Variants in PROM1 observed in about 807,000 individuals in gnomAD.
PROM1 encodes the protein prominin 1, also known as prominin-1.
In PROM1, 105 loss-of-function variants were observed where a neutral mutation model predicts 116.9. The observed-to-expected ratio is 0.90, with a 90% CI of 0.77 to 1.06. The LOEUF (loss-of-function observed/expected upper bound fraction) is 1.06, where lower values mean the gene tolerates loss of function less well. PROM1 is among the 50% of genes least tolerant of loss of function. The pLI is 0.00. For synonymous variants in PROM1, 393 were observed against 387.0 expected (o/e 1.02, Z -0.18); for missense variants, 1,122 against 1,045.2 (o/e 1.07, Z -1.01).
intron 14 of PROM1, among the ~76,000 whole-genome samples, chr4:15,999,764 A>ATCTTTCATAACAGATC (rs1267461470): frequency 6.6e-6 from 1 of 152,082 alleles, no homozygotes; most frequent in African/African-American, 2.4e-5. Flanking sequence ...TATTCTCCTG[A>ATCTTTCATAACAGATC]TTTCATAACA....
intron 5 of PROM1, among the ~76,000 whole-genome samples, chr4:16,026,298 T>C (rs937231405): frequency 6.6e-6 from 1 of 152,094 alleles, no homozygotes; most frequent in African/African-American, 2.4e-5. Context: ...CCTGTTTTTG[T>C]GGCAAAAAAC....
chr4:16,065,939 T>C (rs1267114048), intron 2 of PROM1, among the ~76,000 whole-genome samples: 1 of 152,108 alleles, frequency 6.6e-6, no homozygotes, highest in Non-Finnish European at 1.5e-5. Context: ...CTAAATCCAG[T>C]GCCAGGTGTC....
In PROM1 at chr4:16,081,218, G is replaced by A. The variant is rs112718148; in HGVS notation, c.-213+2760C>T. On this transcript the variant is annotated intron_variant, in intron 1 of 27. Transcript: ENST00000447510. ...CCTAATGCTATCCCTCCCCACTCCCGCCACCTGACAACAGGCCCCGGTGTG... is the reference window on the plus strand; with the variant it reads ...CCTAATGCTATCCCTCCCCACTCCCACCACCTGACAACAGGCCCCGGTGTG... Among the ~76,000 whole-genome samples, 617 of 151,696 alleles carry A rather than the reference G, an allele frequency of 4.1e-3. 3 individuals are homozygous for A. Among genetic ancestry groups the A allele is most frequent in the East Asian group, 0.039 (200 of 5,156 alleles).
intron 15 of PROM1, among the ~76,000 whole-genome samples, chr4:15,996,918 G>A (rs964090777): frequency 6.6e-6 from 1 of 152,050 alleles, no homozygotes; most frequent in African/African-American, 2.4e-5. Flanking sequence ...AGTCACTATC[G>A]CCCTGTTATT....
At chr4:16,066,680 T>G (rs1288681525) in intron 2 of PROM1, among the ~76,000 whole-genome samples, 1 of 152,190 alleles carries the variant, frequency 6.6e-6, no homozygotes, top group African/African-American at 2.4e-5. Flanking sequence ...GGGGTAAATC[T>G]CAAGACTTCA....
chr4:16,013,421 G>A lies in PROM1; in HGVS notation c.1078-83C>T, dbSNP rs1578024580. 24 of 856,954 alleles carry A rather than the reference G, an allele frequency of 2.8e-5. No individual in the cohort carries two copies. The East Asian group carries it at 4.2e-4, about 15-fold the overall frequency. 53.1% of individuals were successfully genotyped at this position (856,954 alleles called of 1,614,324 possible). A position where few individuals can be genotyped will look rare whatever the true frequency, so the allele number is the denominator to read the frequency against. On this transcript the variant is annotated intron_variant, in intron 10 of 27. Transcript: ENST00000447510. ...AGTCACTCATTTTGCAACTCAGTAC[G>A]AGTAGAGAGGCAAAATAAAAATATA...
chr4:16,009,060 G>C lies in PROM1; in HGVS notation c.1190C>G (p.Thr397Ser), dbSNP rs1333933403. 2 of 1,611,188 alleles carry C rather than the reference G, an allele frequency of 1.2e-6. No individual in the cohort carries two copies. The highest frequency in any genetic ancestry group is 2.7e-5 in the African/African-American group (2 of 74,826). The change falls in exon 12 of 28, where the codon ACT becomes AGT. Residue 397 changes from threonine (T) to serine (S), a missense_variant. Coordinates refer to ENST00000447510, the MANE Select transcript of PROM1 (RefSeq NM_006017.3). ...TATATCCTGAATAGGAAGACGCTGA[G>C]TTACATTGTCGATATCTGAACCAAT... ...NSIGSDIDNV[T>S]QRLPIQDILS...
chr4:16,028,755 A>G (rs1731990243), intron 5 of PROM1, among the ~76,000 whole-genome samples: 1 of 152,246 alleles, frequency 6.6e-6, no homozygotes, highest in South Asian at 2.1e-4. Flanking sequence ...ATTTCAGTGA[A>G]TATCAGTTCT....
Position 16,076,108 on chromosome 4 carries a change from A to C in PROM1, c.-202T>G. On this transcript the variant is annotated 5_prime_UTR_variant, in exon 2 of 28. Coordinates refer to ENST00000447510, the MANE Select transcript of PROM1 (RefSeq NM_006017.3). The stretch of plus-strand genomic sequence containing the variant: ...GTTCTCCAAGGGGGTCATTCACTCA[A>C]GGCACCATCCCTGGCAGGGAGAGAA... 9.2e-7 allele frequency: 1 copy of C among 1,081,426 alleles called. No individual in the cohort carries two copies. Among genetic ancestry groups the C allele is most frequent in the Non-Finnish European group, 1.3e-6 (1 of 790,554 alleles). 67.0% of individuals were successfully genotyped at this position (1,081,426 alleles called of 1,614,324 possible).
At chr4:16,050,417 G>A (rs1214401270) in intron 2 of PROM1, among the ~76,000 whole-genome samples, 3 of 152,186 alleles carry the variant, frequency 2.0e-5, no homozygotes, top group Non-Finnish European at 4.4e-5. Flanking sequence ...GCAGTGGCAC[G>A]ATCATGGCTC....
intron 11 of PROM1, 113 bp downstream of exon 11, chr4:16,013,162 A>T: frequency 1.2e-6 from 1 of 822,988 alleles, no homozygotes; most frequent in Non-Finnish European, 2.0e-6. Flanking sequence ...TAGTTTTGAC[A>T]GCTTTAATGA....
rs551652113 is a variant in PROM1, at chr4:16,070,410, A to G, written c.220+5277T>C. 1.1e-4 allele frequency among the ~76,000 whole-genome samples: 16 copies of G among 152,234 alleles called. No individual in the cohort carries two copies. The East Asian group carries it at 3.1e-3, about 29-fold the overall frequency. On this transcript the variant is annotated intron_variant, in intron 2 of 27. Transcript: ENST00000447510. ...GAGGGGACTTTGTTATTATGATGCA[A>G]TCTCCTGTTTTCAAGAGTTTAAAAA... is the stretch of plus-strand genomic sequence containing the variant.
chr4:15,999,245 G>A (rs1723092841), intron 14 of PROM1, among the ~76,000 whole-genome samples: 1 of 151,962 alleles, frequency 6.6e-6, no homozygotes, highest in African/African-American at 2.4e-5. Flanking sequence ...GCCAAGGTGG[G>A]CAGATCACGA....
At chr4:16,004,855 T>TCCTTCCTTCCTTCCTTCCTC (rs1724866338) in intron 13 of PROM1, among the ~76,000 whole-genome samples, 1 of 139,084 alleles carries the variant, frequency 7.2e-6, no homozygotes, top group African/African-American at 2.7e-5. Context: ...CTTCCTTCCT[T>TCCTTCCTTCCTTCCTTCCTC]CCTTCCTCTC....
At chr4:15,988,370 G>C (rs1720037826) in intron 19 of PROM1, among the ~76,000 whole-genome samples, 1 of 152,210 alleles carries the variant, frequency 6.6e-6, no homozygotes, top group Admixed American at 6.5e-5. Flanking sequence ...GAATGGTTTA[G>C]ACAGGAGGTT....
chr4:16,050,122 G>A (rs780083869), intron 2 of PROM1, among the ~76,000 whole-genome samples: 23 of 151,930 alleles, frequency 1.5e-4, no homozygotes, highest in Admixed American at 2.6e-4. Flanking sequence ...TTAGCCGGGC[G>A]CGGTGGTGGG....
At chr4:16,067,307 C>T (rs142647440) in intron 2 of PROM1, among the ~76,000 whole-genome samples, 23 of 152,252 alleles carry the variant, frequency 1.5e-4, no homozygotes, top group South Asian at 4.1e-4. Context: ...TCCTCATCAG[C>T]GAAAGAAAAG....
rs554529975 is a variant in PROM1, at chr4:16,006,577, C to T, written c.1415G>A (p.Arg472Gln). 16 of 1,602,480 alleles carry T rather than the reference C, an allele frequency of 1.0e-5. No individual in the cohort carries two copies. Among genetic ancestry groups the T allele is most frequent in the Admixed American group, 1.7e-5 (1 of 58,294 alleles). ...GYDRHATPTTRGCVSNTGGVF... is the reference protein window; with the variant it reads ...GYDRHATPTTQGCVSNTGGVF... ...GCCTCCGGTGTTGGAGACACAGCCT[C>T]GGGTGGTCGGGGTGGCATGCCTGTC... Residue 472 changes from arginine (R) to glutamine (Q), a missense_variant, in exon 13 of 28, where the codon CGA becomes CAA. By Grantham distance (43) the Arg-to-Gln change is conservative. Coordinates refer to ENST00000447510, the MANE Select transcript of PROM1 (RefSeq NM_006017.3).
intron 25 of PROM1, 38 bp from the exon 26 acceptor site, chr4:15,979,501 T>A: frequency 6.3e-7 from 1 of 1,581,074 alleles, no homozygotes; most frequent in Non-Finnish European, 8.6e-7. Flanking sequence ...CACCATGTTA[T>A]CTCTAAGATG....
Sources: gnomAD v4.1 joint callset for allele counts (sites outside exome capture counted in the v4.1 genomes callset) on GRCh38, gnomAD v4.1.1 for gene constraint, MANE v1.5 for transcripts, NCBI Gene and HGNC (gene_info 2026-07-23, HGNC 2026-07-21) for gene names.